PCDHB7: variants seen among roughly 807,000 people sequenced by gnomAD.
The protein encoded by PCDHB7 is protocadherin beta 7.
For synonymous variants in PCDHB7, 542 were observed against 463.1 expected (o/e 1.17, Z -2.19); for missense variants, 1,148 against 1,011.6 (o/e 1.13, Z -1.83).
chr5:141,174,374 G>C lies in PCDHB7; in HGVS notation c.1539G>C (p.Leu513=), dbSNP rs782168645. The stretch of plus-strand genomic sequence containing the variant: ...CCATCAACGCGGACAACGGCCACCT[G>C]TTTGCCCTCAGGTCCCTGGACTACG... ...LVSINADNGH[L]FALRSLDYEA... Residue 513 remains leucine, a synonymous_variant, in exon 1 of 1, where the codon CTG becomes CTC. Transcript: ENST00000231137. 6 of 1,612,598 alleles carry C rather than the reference G, an allele frequency of 3.7e-6. No individual in the cohort carries two copies. The highest frequency in any genetic ancestry group is 1.1e-5 in the South Asian group (1 of 91,018).
chr5:141,174,679 T>C lies in PCDHB7; in HGVS notation c.1844T>C (p.Phe615Ser). Reference sequence around the variant, plus strand: ...CTCAAGGCCACGGAGCCCGGGCTATTCGGCGTGTGGGCGCACAATGGCGAG... The same window carrying C: ...CTCAAGGCCACGGAGCCCGGGCTATCCGGCGTGTGGGCGCACAATGGCGAG... The part of the protein sequence containing the change: ...QLLKATEPGL[F>S]GVWAHNGEVR... Residue 615 changes from phenylalanine to serine, a missense_variant, in exon 1 of 1, where the codon TTC becomes TCC. Coordinates refer to ENST00000231137, the MANE Select transcript of PCDHB7 (RefSeq NM_018940.4). 1 of 1,610,568 alleles carries C rather than the reference T, an allele frequency of 6.2e-7. No individual in the cohort carries two copies. Among genetic ancestry groups the C allele is most frequent in the Non-Finnish European group, 8.5e-7 (1 of 1,179,750 alleles).
Position 141,175,463 on chromosome 5 carries a change from C to T in PCDHB7, c.*246C>T, listed in dbSNP as rs1753358853. The T allele has an allele frequency of 7.5e-6, 4 of 530,294 alleles. No individual in the cohort carries two copies. The highest frequency in any genetic ancestry group is 1.3e-5 in the Non-Finnish European group (4 of 314,440). The allele number at this position is 530,294 out of a possible 1,614,324, so 32.8% of individuals were successfully genotyped here. On this transcript the variant is annotated 3_prime_UTR_variant, in exon 1 of 1. Coordinates refer to ENST00000231137, the MANE Select transcript of PCDHB7 (RefSeq NM_018940.4). ...AATATACAGTCTATTAAATGTAAGT[C>T]TTGTTTGAGATATTTTAAATTGCTT...
Position 141,175,006 on chromosome 5 carries a change from C to T in PCDHB7, c.2171C>T (p.Ser724Leu), listed in dbSNP as rs781863227. Residue 724 changes from serine to leucine, a missense_variant, in exon 1 of 1, where the codon TCG (serine) becomes TTG (leucine). By Grantham distance (145) the Ser-to-Leu change is moderately radical. Transcript: ENST00000231137. ...RSRAAPVGRC[S>L]VPEGPFPRHL... ...AGGGCGGCCCCGGTGGGTCGCTGCT[C>T]GGTGCCTGAGGGCCCCTTTCCACGA... 2 of 1,614,014 alleles carry T rather than the reference C, an allele frequency of 1.2e-6. No homozygotes were observed. The highest frequency in any genetic ancestry group is 1.1e-5 in the South Asian group (1 of 91,076).
At position 141,175,375 on chromosome 5, in the gene PCDHB7, C is replaced by G. The variant is rs1400063924; in HGVS notation, c.*158C>G. 5 of 867,982 alleles carry G rather than the reference C, an allele frequency of 5.8e-6. No individual in the cohort carries two copies. The highest frequency in any genetic ancestry group is 6.9e-6 in the Non-Finnish European group (4 of 576,660). The allele number at this position is 867,982 out of a possible 1,614,324, so 53.8% of individuals were successfully genotyped here. On this transcript the variant is annotated 3_prime_UTR_variant, in exon 1 of 1. Transcript: ENST00000231137. ...ATAAAATAGGATCCTGATTTAGTAT[C>G]AAGAACCCTTCACAAAGCATGAAAT...
chr5:141,174,106 C>A lies in PCDHB7; in HGVS notation c.1271C>A (p.Thr424Asn). ...NTEYNITITV[T>N]DLGTPRLKTE... ...GAGTACAACATCACCATCACCGTCA[C>A]CGACTTGGGGACACCCAGGCTGAAA... Residue 424 changes from threonine to asparagine, a missense_variant, in exon 1 of 1, where the codon ACC becomes AAC. By Grantham distance (65) the Thr-to-Asn change is moderately conservative (BLOSUM62 0). Coordinates refer to ENST00000231137, the MANE Select transcript of PCDHB7 (RefSeq NM_018940.4). 1 of 1,614,180 alleles carries A rather than the reference C, an allele frequency of 6.2e-7. No individual in the cohort carries two copies. The highest frequency in any genetic ancestry group is 8.5e-7 in the Non-Finnish European group (1 of 1,180,042).
rs145387236 is a variant in PCDHB7 at position 141,174,179 on chromosome 5, T to C, written c.1344T>C (p.Ala448=). 8.4e-4 allele frequency: 1,358 copies of C among 1,613,288 alleles called. 2 individuals carry two copies. Among genetic ancestry groups the C allele is most frequent in the Non-Finnish European group, 8.5e-4 (997 of 1,179,854 alleles). The part of the protein sequence containing the change: ...TVLVSDVNDN[A]PAFTQTSYTL... Reference sequence around the variant, plus strand: ...TGGTCTCCGACGTCAATGACAACGCTCCCGCCTTCACCCAAACCTCCTACA... The same window carrying C: ...TGGTCTCCGACGTCAATGACAACGCCCCCGCCTTCACCCAAACCTCCTACA... Residue 448 remains alanine, a synonymous_variant, in exon 1 of 1, where the codon GCT becomes GCC. Coordinates refer to ENST00000231137, the MANE Select transcript of PCDHB7 (RefSeq NM_018940.4).
rs142959046 is a variant in PCDHB7 at position 141,174,664 on chromosome 5, C to T, written c.1829C>T (p.Thr610Met). The T allele has an allele frequency of 3.2e-4, 519 of 1,610,294 alleles. No individual in the cohort carries two copies. The highest frequency in any genetic ancestry group is 4.0e-4 in the Non-Finnish European group (475 of 1,179,746). Reference protein sequence around the residue: ...AWLSYQLLKATEPGLFGVWAH... With the variant: ...AWLSYQLLKAMEPGLFGVWAH... ...CTGTCGTACCAGCTGCTCAAGGCCA[C>T]GGAGCCCGGGCTATTCGGCGTGTGG... is the stretch of plus-strand genomic sequence containing the variant. The change falls in exon 1 of 1, where the codon ACG (threonine) becomes ATG (methionine). Residue 610 changes from threonine (T) to methionine (M), a missense_variant. Physicochemically the swap from Thr to Met is moderately conservative, Grantham distance 81. Transcript: ENST00000231137.
Position 141,174,413 on chromosome 5 carries a change from G to A in PCDHB7, c.1578G>A (p.Ala526=), listed in dbSNP as rs374392843. Residue 526 remains alanine, a synonymous_variant, in exon 1 of 1, where the codon GCG becomes GCA. Transcript: ENST00000231137. The part of the protein sequence containing the change: ...LRSLDYEALQ[A]FEFRVGATDR... ...CCCTGGACTACGAGGCCCTGCAGGC[G>A]TTCGAGTTCCGCGTGGGCGCCACAG... The A allele has an allele frequency of 1.3e-6, 2 of 1,598,356 alleles. No homozygotes were observed. Among genetic ancestry groups the A allele is most frequent in the Non-Finnish European group, 1.7e-6 (2 of 1,167,228 alleles).
In PCDHB7 at chr5:141,174,880, A is replaced by T. The variant is rs782651484; in HGVS notation, c.2045A>T (p.Asn682Ile). Reference protein sequence around the residue: ...RLPEAAPDQANSLTVYLVVAL... With the variant: ...RLPEAAPDQAISLTVYLVVAL... ...CCGGAGGCGGCCCCGGACCAGGCCA[A>T]CTCGCTCACCGTCTACCTGGTGGTG... is the stretch of plus-strand genomic sequence containing the variant. Residue 682 changes from asparagine to isoleucine, a missense_variant, in exon 1 of 1, where the codon AAC becomes ATC. Physicochemically the swap from Asn to Ile is moderately radical, Grantham distance 149 (BLOSUM62 -3). Coordinates refer to ENST00000231137, the MANE Select transcript of PCDHB7 (RefSeq NM_018940.4). 1 of 1,610,634 alleles carries T rather than the reference A, an allele frequency of 6.2e-7. No homozygotes were observed.
chr5:141,173,499 A>C lies in PCDHB7; in HGVS notation c.664A>C (p.Arg222=). 6.2e-7 allele frequency: 1 copy of C among 1,614,136 alleles called. No individual in the cohort carries two copies. Among genetic ancestry groups the C allele is most frequent in the Non-Finnish European group, 8.5e-7 (1 of 1,180,006 alleles). Residue 222 remains arginine, a synonymous_variant, in exon 1 of 1, where the codon AGA becomes CGA. Transcript: ENST00000231137. The part of the protein sequence containing the change: ...LTALDGGSPP[R]SGTALVRILV... ...CGCTTTAGACGGCGGCTCTCCTCCA[A>C]GATCAGGGACCGCCCTCGTGCGCAT...
Position 141,174,575 on chromosome 5 carries a change from C to G in PCDHB7, c.1740C>G (p.Ala580=). Residue 580 remains alanine (A), a synonymous_variant, in exon 1 of 1, where the codon GCC becomes GCG. Transcript: ENST00000231137. ...GCACCGAGCCGTTGCCCCGGGCGGC[C>G]GAGCCGGGCTACCTGGTGACCAAGG... ...APCTEPLPRA[A]EPGYLVTKVV... 6.2e-7 allele frequency: 1 copy of G among 1,610,286 alleles called. No homozygotes were observed.
chr5:141,175,275 C>A lies in PCDHB7; in HGVS notation c.*58C>A, dbSNP rs1554280503. On this transcript the variant is annotated 3_prime_UTR_variant, in exon 1 of 1. Coordinates refer to ENST00000231137, the MANE Select transcript of PCDHB7 (RefSeq NM_018940.4). The stretch of plus-strand genomic sequence containing the variant: ...TACGTTTCTGATTAGGAACTTATTG[C>A]GAGGTTCCCTTAAGGGAGTGTCTTT... 4 of 1,488,936 alleles carry A rather than the reference C, an allele frequency of 2.7e-6. No individual in the cohort carries two copies. The highest frequency in any genetic ancestry group is 2.3e-5 in the East Asian group (1 of 43,226). 92.2% of individuals were successfully genotyped at this position (1,488,936 alleles called of 1,614,324 possible).
rs781925820 is a variant in PCDHB7, at chr5:141,174,234, G to T, written c.1399G>T (p.Ala467Ser). The T allele has an allele frequency of 8.1e-6, 13 of 1,613,184 alleles. No homozygotes were observed. In the African/African-American group the frequency reaches 1.7e-4, roughly 21 times the overall value. ...GTTTGTCCGTGAGAACAACAGCCCC[G>T]CCCTGCCCATCGGCAGTGTCAGCGC... ...TLFVRENNSP[A>S]LPIGSVSATD... The change falls in exon 1 of 1, where the codon GCC (alanine) becomes TCC (serine). Residue 467 changes from alanine (A) to serine (S), a missense_variant. Coordinates refer to ENST00000231137, the MANE Select transcript of PCDHB7 (RefSeq NM_018940.4).
In PCDHB7 at chr5:141,174,422, C is replaced by T; in HGVS notation, c.1587C>T (p.Phe529=). 4 of 1,612,164 alleles carry T rather than the reference C, an allele frequency of 2.5e-6. No individual in the cohort carries two copies. The highest frequency in any genetic ancestry group is 4.2e-4 in the Middle Eastern group (2 of 4,800). The part of the protein sequence containing the change: ...LDYEALQAFE[F]RVGATDRGSP... ...ACGAGGCCCTGCAGGCGTTCGAGTT[C>T]CGCGTGGGCGCCACAGACCGCGGCT... The change falls in exon 1 of 1, where the codon TTC becomes TTT. Residue 529 remains phenylalanine (F), a synonymous_variant. Transcript: ENST00000231137.
rs1343243031 is a variant in PCDHB7, at chr5:141,175,922, T to C, written c.*705T>C. On this transcript the variant is annotated 3_prime_UTR_variant, in exon 1 of 1. Coordinates refer to ENST00000231137, the MANE Select transcript of PCDHB7 (RefSeq NM_018940.4). The stretch of plus-strand genomic sequence containing the variant: ...CTATATTTAGAAATAATAATGTACA[T>C]ATTTATCTATGGTTTTATTTTCTTA... 6.0e-6 allele frequency: 1 copy of C among 167,156 alleles called. No individual in the cohort carries two copies. The highest frequency in any genetic ancestry group is 1.5e-5 in the Non-Finnish European group (1 of 68,230). 10.4% of individuals were successfully genotyped at this position (167,156 alleles called of 1,614,324 possible).
rs546236115 is a variant in PCDHB7, at chr5:141,173,859, G to A, written c.1024G>A (p.Asp342Asn). The A allele has an allele frequency of 2.5e-6, 4 of 1,613,944 alleles. No individual in the cohort carries two copies. The highest frequency in any genetic ancestry group is 3.3e-5 in the Admixed American group (2 of 60,012). ...TVVVDVTDIN[D>N]NRPELLLSSL... is the part of the protein sequence containing the mutation. ...AGTGGTTGATGTAACAGATATAAAC[G>A]ATAATCGACCCGAGCTGCTCCTGTC... Residue 342 changes from aspartate to asparagine, a missense_variant, in exon 1 of 1, where the codon GAT becomes AAT. Coordinates refer to ENST00000231137, the MANE Select transcript of PCDHB7 (RefSeq NM_018940.4).
At position 141,173,773 on chromosome 5, in the gene PCDHB7, A is replaced by G. The variant is rs1415716355; in HGVS notation, c.938A>G (p.Gln313Arg). The G allele has an allele frequency of 6.2e-7, 1 of 1,614,052 alleles. No individual in the cohort carries two copies. The highest frequency in any genetic ancestry group is 8.5e-7 in the Non-Finnish European group (1 of 1,180,018). The change falls in exon 1 of 1, where the codon CAA becomes CGA. Residue 313 changes from glutamine to arginine, a missense_variant. Gln to Arg is a conservative substitution (Grantham distance 43). Transcript: ENST00000231137. ...GCGCAATTGGACTATGAGGCAATTC[A>G]AACTTACACATTAACTATTCAGGCC... Reference protein sequence around the residue: ...LKAQLDYEAIQTYTLTIQAKD... With the variant: ...LKAQLDYEAIRTYTLTIQAKD...
Position 141,173,240 on chromosome 5 carries a change from C to G in PCDHB7, c.405C>G (p.Asp135Glu), listed in dbSNP as rs782714698. The G allele has an allele frequency of 2.5e-6, 4 of 1,614,008 alleles. No homozygotes were observed. In the South Asian group the frequency reaches 4.4e-5, roughly 18 times the overall value. ...DINDHAPVFLDREISLKILES... is the reference protein window; with the variant it reads ...DINDHAPVFLEREISLKILES... ...ATGATCACGCTCCAGTATTTCTAGA[C>G]AGAGAGATTTCCTTGAAAATATTAG... The change falls in exon 1 of 1, where the codon GAC becomes GAG. Residue 135 changes from aspartate to glutamate, a missense_variant. Transcript: ENST00000231137.
In PCDHB7 at chr5:141,175,218, T is replaced by G. The variant is rs146407243; in HGVS notation, c.*1T>G. ...ATTTCAGAATAATTTGGGTTTCTGATAAAGAATGTAAACTAAATCCGCGTC... is the reference window on the plus strand; with the variant it reads ...ATTTCAGAATAATTTGGGTTTCTGAGAAAGAATGTAAACTAAATCCGCGTC... On this transcript the variant is annotated 3_prime_UTR_variant, in exon 1 of 1. Transcript: ENST00000231137. 1.9e-6 allele frequency: 3 copies of G among 1,597,132 alleles called. No individual in the cohort carries two copies. The highest frequency in any genetic ancestry group is 1.4e-5 in the African/African-American group (1 of 73,972).
Sources: gnomAD v4.1 joint callset for allele counts on GRCh38, gnomAD v4.1.1 for gene constraint, MANE v1.5 for transcripts, NCBI Gene and HGNC (gene_info 2026-07-23, HGNC 2026-07-21) for gene names.